PHACTR1: variants seen among roughly 807,000 people sequenced by gnomAD.
The protein encoded by PHACTR1 is phosphatase and actin regulator 1.
In PHACTR1, 16 loss-of-function variants were observed where a neutral mutation model predicts 69.2. The observed-to-expected ratio is 0.23, with a 90% CI of 0.16 to 0.35. The LOEUF is 0.35. Among genes scored for constraint, PHACTR1 ranks in the 10% least tolerant of loss-of-function variants. The probability of loss-of-function intolerance (pLI) is 1.00; values close to 1 mark genes in which losing one functional copy is unlikely to be tolerated. For missense variants in PHACTR1, 510 were observed against 734.7 expected (o/e 0.69, Z 3.54); for synonymous variants, 312 against 284.5 (o/e 1.10, Z -0.97).
At chr6:13,206,732 A>G (rs911961785) in intron 8 of PHACTR1, among the ~76,000 whole-genome samples, 5 of 152,300 alleles carry the variant, frequency 3.3e-5, no homozygotes, top group Admixed American at 2.0e-4. Flanking sequence ...CTGGTCAGAC[A>G]TCATCCCCTC....
chr6:13,170,903 G>T (rs1760511076), intron 6 of PHACTR1, among the ~76,000 whole-genome samples: 1 of 152,134 alleles, frequency 6.6e-6, no homozygotes, highest in Non-Finnish European at 1.5e-5. Context: ...TACCAACCGG[G>T]TGATCCTCCT....
At chr6:12,750,789 T>C (rs530210203) in intron 4 of PHACTR1, among the ~76,000 whole-genome samples, 1 of 152,226 alleles carries the variant, frequency 6.6e-6, no homozygotes, top group Non-Finnish European at 1.5e-5. Flanking sequence ...CTGCCTTTTC[T>C]GAATGACTCC....
intron 4 of PHACTR1, among the ~76,000 whole-genome samples, chr6:13,019,074 A>T (rs55969344): frequency 0.74 from 105,722 of 143,416 alleles, 39,368 homozygotes; most frequent in East Asian, 0.97. Flanking sequence ...ATATATATAT[A>T]TTTTTTCTTT....
At chr6:13,046,285 C>T (rs1019597151) in intron 4 of PHACTR1, among the ~76,000 whole-genome samples, 35 of 152,232 alleles carry the variant, frequency 2.3e-4, no homozygotes, top group African/African-American at 7.0e-4. Flanking sequence ...CCATCCCCAC[C>T]GGGACTTGCA....
chr6:13,237,715 T>G (rs1351099149), intron 10 of PHACTR1, among the ~76,000 whole-genome samples: 1 of 152,212 alleles, frequency 6.6e-6, no homozygotes, highest in Non-Finnish European at 1.5e-5. Flanking sequence ...GTCAGGCAAT[T>G]TTGTCATTGT....
intron 5 of PHACTR1, among the ~76,000 whole-genome samples, chr6:13,066,789 A>G (rs1016982139): frequency 3.3e-5 from 5 of 152,088 alleles, no homozygotes; most frequent in African/African-American, 1.2e-4. Flanking sequence ...GGGCTTTTCC[A>G]TGGGGTTTCT....
At chr6:13,226,448 C>T (rs1466432863) in intron 8 of PHACTR1, among the ~76,000 whole-genome samples, 1 of 152,100 alleles carries the variant, frequency 6.6e-6, no homozygotes, top group Non-Finnish European at 1.5e-5. Context: ...GCTCCATTTC[C>T]TTAGGCATGT....
At chr6:13,063,263 C>T (rs906071867) in intron 5 of PHACTR1, among the ~76,000 whole-genome samples, 2 of 152,076 alleles carry the variant, frequency 1.3e-5, no homozygotes, top group African/African-American at 2.4e-5. Flanking sequence ...CCAGCAATTA[C>T]AATAAAGCAG....
At chr6:12,924,801 C>T (rs1050992438) in intron 4 of PHACTR1, among the ~76,000 whole-genome samples, 1 of 150,922 alleles carries the variant, frequency 6.6e-6, no homozygotes, top group African/African-American at 2.4e-5. Context: ...AAAATTTAAA[C>T]TATAGTAAGT....
rs117371672 is a variant in PHACTR1 at position 12,949,743 on chromosome 6, T to C, written c.251-103622T>C. On this transcript the variant is annotated intron_variant, in intron 4 of 14. Coordinates refer to ENST00000332995, the MANE Select transcript of PHACTR1 (RefSeq NM_030948.6). ...ATGGTTTGGTAACTTTAAGATTTAG[T>C]ATAAAAGTAAACAGCTTCTGTGGTT... 3.4e-4 allele frequency among the ~76,000 whole-genome samples: 52 copies of C among 152,290 alleles called. No individual in the cohort carries two copies. The East Asian group carries it at 9.3e-3, about 27-fold the overall frequency.
intron 5 of PHACTR1, among the ~76,000 whole-genome samples, chr6:13,158,562 C>T (rs145948260): frequency 6.6e-6 from 1 of 152,356 alleles, no homozygotes; most frequent in East Asian, 1.9e-4. Context: ...TAGAACGTAA[C>T]ATTTTTAAAA....
chr6:12,737,925 C>T (rs188436224), intron 3 of PHACTR1, among the ~76,000 whole-genome samples: 45 of 152,244 alleles, frequency 3.0e-4, no homozygotes, highest in Admixed American at 1.6e-3. Flanking sequence ...ATAACCACAG[C>T]GCATCTATCC....
chr6:12,763,254 C>A (rs185256546), intron 4 of PHACTR1, among the ~76,000 whole-genome samples: 2 of 142,360 alleles, frequency 1.4e-5, no homozygotes, highest in African/African-American at 5.3e-5. Flanking sequence ...ACAACAACAA[C>A]AAAACAGCAG....
chr6:12,827,241 G>A (rs1776906877), intron 4 of PHACTR1, among the ~76,000 whole-genome samples: 1 of 152,156 alleles, frequency 6.6e-6, no homozygotes, highest in South Asian at 2.1e-4. Flanking sequence ...CCACATAGAT[G>A]AGAAGGCAAA....
At chr6:12,757,337 A>C (rs571706782) in intron 4 of PHACTR1, among the ~76,000 whole-genome samples, 11 of 152,134 alleles carry the variant, frequency 7.2e-5, no homozygotes, top group Non-Finnish European at 1.6e-4. Flanking sequence ...AAGGGAGACG[A>C]AGAGGGGGAT....
At chr6:13,218,863 GAA>G (rs1363987373) in intron 8 of PHACTR1, among the ~76,000 whole-genome samples, 4 of 6,430 alleles carry the variant, frequency 6.2e-4, no homozygotes, top group South Asian at 5.7e-3. Context: ...AAAGAGAAGA[GAA>G]GAGAAGAGAA....
chr6:12,861,790 C>G (rs531982229), intron 4 of PHACTR1, among the ~76,000 whole-genome samples: 3 of 152,266 alleles, frequency 2.0e-5, no homozygotes, highest in South Asian at 4.1e-4. Flanking sequence ...TGACCAGAAC[C>G]AAAAACTTGG....
chr6:12,827,573 G>A (rs956614835), intron 4 of PHACTR1, among the ~76,000 whole-genome samples: 4 of 152,166 alleles, frequency 2.6e-5, no homozygotes, highest in African/African-American at 9.7e-5. Context: ...AATAGACAGA[G>A]TCAAGAGAGG....
chr6:12,809,678 A>G (rs1774803007), intron 4 of PHACTR1, among the ~76,000 whole-genome samples: 1 of 152,220 alleles, frequency 6.6e-6, no homozygotes, highest in South Asian at 2.1e-4. Flanking sequence ...ATAAAATGGT[A>G]GATGTGAGCA....
Sources: allele counts gnomAD v4.1 joint callset (sites outside exome capture counted in the v4.1 genomes callset), GRCh38; gene constraint gnomAD v4.1.1; transcripts MANE v1.5; gene names NCBI Gene and HGNC (gene_info 2026-07-23, HGNC 2026-07-21).